The following GRIK3 variants were observed in gnomAD, a reference collection of about 807,000 sequenced individuals.
GRIK3 encodes the protein glutamate ionotropic receptor kainate type subunit 3.
GRIK3 carries 29 observed loss-of-function variants against 102.5 expected under a neutral mutation model. That is an observed-to-expected ratio of 0.28 (90% CI 0.21 to 0.39). GRIK3 has a LOEUF of 0.39. Ranked by LOEUF, GRIK3 falls within the 10% of genes least tolerant of loss-of-function variation. GRIK3 has a pLI of 1.00. For synonymous variants in GRIK3, 511 were observed against 504.9 expected (o/e 1.01, Z -0.16); for missense variants, 908 against 1,252.4 (o/e 0.73, Z 4.15).
In GRIK3 at chr1:36,802,064, GAGGGGTCGGAAA is replaced by G; in HGVS notation, c.2566-31_2566-20del. 1 of 1,584,128 alleles carries G rather than the reference GAGGGGTCGGAAA, an allele frequency of 6.3e-7. No homozygotes were observed. Among genetic ancestry groups the G allele is most frequent in the Non-Finnish European group, 8.6e-7 (1 of 1,162,440 alleles). On this transcript the variant is annotated intron_variant, in intron 15 of 15. Transcript: ENST00000373091. ...AGGAACGCTGCAGGAGGGTGGAGGA[GAGGGGTCGGAAA>G]AGGGGCACAGAGTGATGCCCGGTCT...
At chr1:36,866,623 C>A (rs113342199) in intron 5 of GRIK3, among the ~76,000 whole-genome samples, 20 of 152,320 alleles carry the variant, frequency 1.3e-4, no homozygotes, top group African/African-American at 4.3e-4. Context: ...GACGTCAATG[C>A]ACTCAGCGTA....
At chr1:36,987,526 T>C (rs960642426) in intron 1 of GRIK3, among the ~76,000 whole-genome samples, 4 of 152,134 alleles carry the variant, frequency 2.6e-5, no homozygotes, top group African/African-American at 9.7e-5. Context: ...ACATATAGAC[T>C]ACCTCCCAGG....
intron 10 of GRIK3, among the ~76,000 whole-genome samples, chr1:36,836,577 A>G (rs1014781381): frequency 6.6e-6 from 1 of 152,160 alleles, no homozygotes; most frequent in Non-Finnish European, 1.5e-5. Flanking sequence ...GGGTGGTGCA[A>G]CTTCTCCATA....
chr1:36,941,456 C>A (rs978751522), intron 1 of GRIK3, among the ~76,000 whole-genome samples: 1 of 152,164 alleles, frequency 6.6e-6, no homozygotes, highest in South Asian at 2.1e-4. Flanking sequence ...CCCAGAGGCC[C>A]GGGCTGGGGG....
At chr1:36,976,153 A>G (rs1570839201) in intron 1 of GRIK3, among the ~76,000 whole-genome samples, 2 of 152,256 alleles carry the variant, frequency 1.3e-5, no homozygotes, top group East Asian at 3.9e-4. Context: ...TGGGGTAGTC[A>G]GAGAGGAAGC....
intron 1 of GRIK3, among the ~76,000 whole-genome samples, chr1:36,924,220 G>T (rs1641503053): frequency 6.6e-6 from 1 of 152,178 alleles, no homozygotes; most frequent in South Asian, 2.1e-4. Flanking sequence ...CAAGACTGAA[G>T]TTTTGCATAA....
chr1:36,984,670 A>G (rs748711937), intron 1 of GRIK3, among the ~76,000 whole-genome samples: 1 of 152,192 alleles, frequency 6.6e-6, no homozygotes, highest in Non-Finnish European at 1.5e-5. Context: ...GGGAGAGAAG[A>G]AAGAAGGTGG....
At chr1:36,921,129 C>T (rs1641465795) in intron 1 of GRIK3, among the ~76,000 whole-genome samples, 1 of 152,254 alleles carries the variant, frequency 6.6e-6, no homozygotes, top group Non-Finnish European at 1.5e-5. Context: ...GAAATCTCCT[C>T]CTCTGCCATC....
At chr1:36,906,130 T>G (rs749491343) in intron 1 of GRIK3, among the ~76,000 whole-genome samples, 2 of 152,252 alleles carry the variant, frequency 1.3e-5, no homozygotes, top group Non-Finnish European at 2.9e-5. Context: ...CCAAAAGAAG[T>G]CAGCACCAGG....
intron 3 of GRIK3, among the ~76,000 whole-genome samples, chr1:36,873,030 C>T (rs1355948087): frequency 6.6e-6 from 1 of 152,216 alleles, no homozygotes; most frequent in East Asian, 1.9e-4. Flanking sequence ...CAACCACCTC[C>T]TCCATGAAGC....
chr1:36,908,951 T>C (rs1295383343), intron 1 of GRIK3, among the ~76,000 whole-genome samples: 1 of 152,160 alleles, frequency 6.6e-6, no homozygotes, highest in African/African-American at 2.4e-5. Context: ...TAATAACAAC[T>C]GACTGTGTTC....
rs539621079 is a variant in GRIK3 at position 36,958,785 on chromosome 1, G to A, written c.116-67689C>T. On this transcript the variant is annotated intron_variant, in intron 1 of 15. Coordinates refer to ENST00000373091, the MANE Select transcript of GRIK3 (RefSeq NM_000831.4). ...GCGAGCCTGTGTGCCCTGTGACTGT[G>A]TGCCCAATGAGCCTGTGTCCCGTGA... Among the ~76,000 whole-genome samples the A allele has an allele frequency of 9.0e-4, 114 of 126,920 alleles. 1 individual carries two copies. Among genetic ancestry groups the A allele is most frequent in the African/African-American group, 3.0e-3 (109 of 36,596 alleles). The allele number at this position is 126,920 out of a possible 152,430, so 83.3% of individuals were successfully genotyped here.
intron 1 of GRIK3, among the ~76,000 whole-genome samples, chr1:36,932,990 T>C (rs1384632608): frequency 6.6e-6 from 1 of 152,234 alleles, no homozygotes; most frequent in Non-Finnish European, 1.5e-5. Context: ...ACAGATTTAA[T>C]GTGAACTGAT....
intron 5 of GRIK3, among the ~76,000 whole-genome samples, chr1:36,868,013 T>C (rs1176284287): frequency 6.6e-6 from 1 of 152,114 alleles, no homozygotes; most frequent in African/African-American, 2.4e-5. Context: ...CCCAGTACCT[T>C]CCACGTTAAT....
At chr1:36,908,174 G>T (rs2124292082) in intron 1 of GRIK3, among the ~76,000 whole-genome samples, 1 of 152,250 alleles carries the variant, frequency 6.6e-6, no homozygotes, top group Middle Eastern at 3.4e-3. Context: ...CCCCTACAGG[G>T]TTTTCCTGAA....
chr1:36,854,584 G>T (rs1164043383), intron 7 of GRIK3, among the ~76,000 whole-genome samples: 1 of 152,128 alleles, frequency 6.6e-6, no homozygotes, highest in Non-Finnish European at 1.5e-5. Context: ...TCTGTAAATG[G>T]TTTATTAGCT....
intron 2 of GRIK3, among the ~76,000 whole-genome samples, chr1:36,889,112 A>G (rs1263584024): frequency 6.6e-6 from 1 of 151,994 alleles, no homozygotes; most frequent in Admixed American, 6.5e-5. Context: ...CAATAATCAC[A>G]TGACCTCTCT....
At chr1:36,979,768 C>T (rs1642231166) in intron 1 of GRIK3, among the ~76,000 whole-genome samples, 1 of 152,176 alleles carries the variant, frequency 6.6e-6, no homozygotes, top group Non-Finnish European at 1.5e-5. Context: ...GCATGATGGG[C>T]TGTGGGGCAC....
At chr1:36,852,963 T>G (rs1419224477) in intron 8 of GRIK3, among the ~76,000 whole-genome samples, 1 of 152,192 alleles carries the variant, frequency 6.6e-6, no homozygotes, top group South Asian at 2.1e-4. Context: ...TTGGCCTCAT[T>G]AAAACATCTC....
Sources: gnomAD v4.1 joint callset for allele counts (sites outside exome capture counted in the v4.1 genomes callset) on GRCh38, gnomAD v4.1.1 for gene constraint, MANE v1.5 for transcripts, NCBI Gene and HGNC (gene_info 2026-07-23, HGNC 2026-07-21) for gene names.